Variants in MAN2A1 observed in about 807,000 individuals in gnomAD.
MAN2A1 encodes the protein alpha-mannosidase 2.
A neutral mutation model predicts 142.6 loss-of-function variants in MAN2A1; 76 were observed. The observed-to-expected ratio is 0.53, with a 90% confidence interval of 0.44 to 0.65. The LOEUF (loss-of-function observed/expected upper bound fraction) is 0.65, where lower values mean the gene tolerates loss of function less well. Among genes scored for constraint, MAN2A1 ranks in the 30% least tolerant of loss-of-function variants. The probability of loss-of-function intolerance (pLI) is 0.00; values close to 1 mark genes in which losing one functional copy is unlikely to be tolerated. For synonymous variants in MAN2A1, 559 were observed against 473.2 expected (o/e 1.18, Z -2.35); for missense variants, 1,311 against 1,365.1 (o/e 0.96, Z 0.62).
chr5:109,807,841 A>G (rs1373911665), intron 12 of MAN2A1, among the ~76,000 whole-genome samples: 3 of 152,192 alleles, frequency 2.0e-5, no homozygotes, highest in Non-Finnish European at 4.4e-5. Flanking sequence ...CAGTGGAAAA[A>G]TGGATCTATC....
rs369702497 is a variant in MAN2A1, at chr5:109,768,401, T to C, written c.1009+693T>C. Among the ~76,000 whole-genome samples, 14 of 152,318 alleles carry C rather than the reference T, an allele frequency of 9.2e-5. 1 individual carries two copies. Among genetic ancestry groups the C allele is most frequent in the Admixed American group, 2.6e-4 (4 of 15,286 alleles). On this transcript the variant is annotated intron_variant, in intron 6 of 21. Coordinates refer to ENST00000261483, the MANE Select transcript of MAN2A1 (RefSeq NM_002372.4). Reference sequence around the variant, plus strand: ...TTCTCATTTAATCTTTTTAATATTATTCTTTTTTTATGGTGAAGCAATGGA... The same window carrying C: ...TTCTCATTTAATCTTTTTAATATTACTCTTTTTTTATGGTGAAGCAATGGA...
intron 4 of MAN2A1, among the ~76,000 whole-genome samples, chr5:109,738,001 T>A (rs1752154579): frequency 6.6e-6 from 1 of 152,202 alleles, no homozygotes; most frequent in South Asian, 2.1e-4. Flanking sequence ...GGTGTGTGCG[T>A]GTGCTTTGTG....
intron 2 of MAN2A1, among the ~76,000 whole-genome samples, chr5:109,714,987 AG>A (rs1228527430): frequency 7.9e-6 from 1 of 126,176 alleles, no homozygotes; most frequent in African/African-American, 3.5e-5. Flanking sequence ...ATAAGGGAAC[AG>A]CAAAAAAAAA....
At position 109,866,997 on chromosome 5, in the gene MAN2A1, G is replaced by C. The variant is rs999626962; in HGVS notation, c.3434G>C (p.Ter1145SerextTer2). ...EISTFRIQLR[*>S] is the part of the protein sequence containing the mutation. ...AGCACATTCCGAATCCAGTTGAGGT[G>C]AACCTGACTTTCACATTTGGATTGA... is the stretch of plus-strand genomic sequence containing the variant. Residue 1145 changes from the stop codon to serine, a stop_lost, in exon 22 of 22, where the codon TGA becomes TCA. Coordinates refer to ENST00000261483, the MANE Select transcript of MAN2A1 (RefSeq NM_002372.4). 2 of 1,605,070 alleles carry C rather than the reference G, an allele frequency of 1.2e-6. No homozygotes were observed. The highest frequency in any genetic ancestry group is 1.7e-6 in the Non-Finnish European group (2 of 1,176,278).
chr5:109,800,482 A>G (rs1753992342), intron 12 of MAN2A1, among the ~76,000 whole-genome samples: 1 of 152,224 alleles, frequency 6.6e-6, no homozygotes, highest in Non-Finnish European at 1.5e-5. Flanking sequence ...TGTCCTGCAG[A>G]AATAATCAGA....
In MAN2A1 at chr5:109,780,546, G is replaced by GTGTA. The variant is rs770515891; in HGVS notation, c.1375-846_1375-843dup. Reference sequence around the variant, plus strand: ...TGTGTGTGTGTGTGTGTGTGTGTGTGTGTATGTGTGTAGGAAACAACAAAA... The same window carrying GTGTA: ...TGTGTGTGTGTGTGTGTGTGTGTGTGTGTATGTATGTGTGTAGGAAACAACAAAA... On this transcript the variant is annotated intron_variant, in intron 8 of 21. Transcript: ENST00000261483. Among the ~76,000 whole-genome samples the GTGTA allele has an allele frequency of 2.3e-3, 350 of 149,402 alleles. 25 individuals are homozygous for GTGTA. Among genetic ancestry groups the GTGTA allele is most frequent in the African/African-American group, 6.6e-3 (263 of 40,032 alleles).
intron 19 of MAN2A1, among the ~76,000 whole-genome samples, chr5:109,850,552 G>A (rs925156071): frequency 1.3e-5 from 2 of 152,172 alleles, no homozygotes; most frequent in African/African-American, 2.4e-5. Flanking sequence ...TCACTGACAA[G>A]ATAGCTTAGT....
chr5:109,791,551 T>G (rs531801858), intron 12 of MAN2A1, among the ~76,000 whole-genome samples: 262 of 152,124 alleles, frequency 1.7e-3, no homozygotes, highest in African/African-American at 6.1e-3. Context: ...TTGTAAGGGT[T>G]GGCTTTTTTT....
At chr5:109,763,562 A>G (rs1752910450) in intron 5 of MAN2A1, among the ~76,000 whole-genome samples, 1 of 152,000 alleles carries the variant, frequency 6.6e-6, no homozygotes, top group South Asian at 2.1e-4. Flanking sequence ...GTACATGTGC[A>G]CAATGTGCAG....
intron 12 of MAN2A1, among the ~76,000 whole-genome samples, chr5:109,810,745 GT>G (rs1237619104): frequency 6.6e-6 from 1 of 152,154 alleles, no homozygotes; most frequent in Non-Finnish European, 1.5e-5. Flanking sequence ...CTTTTCTGAA[GT>G]TTTTTCCTCT....
intron 7 of MAN2A1, among the ~76,000 whole-genome samples, chr5:109,773,625 A>G (rs1753208396): frequency 6.6e-6 from 1 of 152,144 alleles, no homozygotes; most frequent in Non-Finnish European, 1.5e-5. Context: ...TATGTTACAT[A>G]AGGACGCTGT....
At chr5:109,775,941 T>C (rs1753279016) in intron 8 of MAN2A1, among the ~76,000 whole-genome samples, 1 of 152,114 alleles carries the variant, frequency 6.6e-6, no homozygotes, top group Admixed American at 6.6e-5. Flanking sequence ...TAATTATATA[T>C]ATTTATGGGA....
intron 3 of MAN2A1, among the ~76,000 whole-genome samples, chr5:109,727,360 G>A (rs1053994037): frequency 6.6e-6 from 1 of 151,996 alleles, no homozygotes; most frequent in Non-Finnish European, 1.5e-5. Flanking sequence ...GTGTATCTGT[G>A]TTCTAATCTC....
chr5:109,811,831 A>G (rs1754327893), intron 12 of MAN2A1, among the ~76,000 whole-genome samples: 2 of 152,038 alleles, frequency 1.3e-5, no homozygotes, highest in African/African-American at 2.4e-5. Context: ...CTTGCTTTTT[A>G]ACTTAGCCAT....
intron 15 of MAN2A1, among the ~76,000 whole-genome samples, chr5:109,821,263 A>G (rs926021641): frequency 6.6e-6 from 1 of 152,156 alleles, no homozygotes; most frequent in Non-Finnish European, 1.5e-5. Context: ...AGTGCTCACA[A>G]TCTGATGGTA....
intron 15 of MAN2A1, among the ~76,000 whole-genome samples, chr5:109,822,086 A>C (rs985567084): frequency 6.6e-6 from 1 of 151,656 alleles, no homozygotes; most frequent in African/African-American, 2.4e-5. Context: ...ACTGGATTTT[A>C]AGGGATTGTG....
At chr5:109,778,499 G>A (rs1368546518) in intron 8 of MAN2A1, among the ~76,000 whole-genome samples, 1 of 152,030 alleles carries the variant, frequency 6.6e-6, no homozygotes, top group Admixed American at 6.6e-5. Context: ...CCCTTTATCA[G>A]ATTATGGAAT....
intron 10 of MAN2A1, among the ~76,000 whole-genome samples, chr5:109,788,619 A>G (rs896849637): frequency 6.6e-6 from 1 of 151,824 alleles, no homozygotes; most frequent in Non-Finnish European, 1.5e-5. Context: ...AGAATGCTTC[A>G]AAGTTATTGG....
At chr5:109,805,262 A>G (rs772658636) in intron 12 of MAN2A1, among the ~76,000 whole-genome samples, 12 of 152,180 alleles carry the variant, frequency 7.9e-5, no homozygotes, top group Non-Finnish European at 1.5e-4. Context: ...AATACTTGGA[A>G]TATTTATTCT....
Sources: gnomAD v4.1 joint callset for allele counts (sites outside exome capture counted in the v4.1 genomes callset) on GRCh38, gnomAD v4.1.1 for gene constraint, MANE v1.5 for transcripts, NCBI Gene and HGNC (gene_info 2026-07-23, HGNC 2026-07-21) for gene names.